Variants in ST7L observed in about 807,000 individuals in gnomAD.
ST7L encodes the protein suppressor of tumorigenicity 7 protein-like.
A neutral mutation model predicts 72.5 loss-of-function variants in ST7L; 57 were observed. The observed-to-expected ratio is 0.79, with a 90% confidence interval of 0.64 to 0.98. The LOEUF (loss-of-function observed/expected upper bound fraction) is 0.98, where lower values mean the gene tolerates loss of function less well. Ranked by LOEUF, ST7L falls within the 50% of genes least tolerant of loss-of-function variation. The pLI is 0.00. For synonymous variants in ST7L, 221 were observed against 240.9 expected, an observed-to-expected ratio of 0.92 and a Z score of 0.77; for missense variants, 576 against 672.2, an observed-to-expected ratio of 0.86 and a Z score of 1.58.
At chr1:112,576,861 C>A in intron 11 of ST7L, 125 bp downstream of exon 11, 1 of 606,148 alleles carries the variant, frequency 1.6e-6, no homozygotes. Flanking sequence ...GAATAATAAG[C>A]ATCAAAATAT....
At chr1:112,585,269 C>T (rs183300044) in intron 6 of ST7L, among the ~76,000 whole-genome samples, 40 of 152,266 alleles carry the variant, frequency 2.6e-4, no homozygotes, top group Non-Finnish European at 5.6e-4. Flanking sequence ...TTATCTAAGA[C>T]GGCACTGTCC....
At chr1:112,564,486 C>T (rs964314893) in intron 11 of ST7L, among the ~76,000 whole-genome samples, 4 of 152,078 alleles carry the variant, frequency 2.6e-5, no homozygotes, top group East Asian at 1.9e-4. Flanking sequence ...TTATATATGC[C>T]GGTGCTATGA....
At chr1:112,580,618 G>A (rs1663946380) in intron 9 of ST7L, among the ~76,000 whole-genome samples, 1 of 152,124 alleles carries the variant, frequency 6.6e-6, no homozygotes, top group Non-Finnish European at 1.5e-5. Context: ...AACTGGTATT[G>A]TTATAACATA....
Position 112,584,080 on chromosome 1 carries a change from T to C in ST7L, c.748A>G (p.Ile250Val), listed in dbSNP as rs761722695. The part of the protein sequence containing the change: ...VLLAEEEATT[I>V]VDAERLFKQA... ...TTAAATAACCTTTCAGCATCTACAATAGTTGTTGCTTCTTCCTCAGCCAGT... is the reference window on the plus strand; with the variant it reads ...TTAAATAACCTTTCAGCATCTACAACAGTTGTTGCTTCTTCCTCAGCCAGT... The change falls in exon 7 of 15, where the codon ATT becomes GTT. Residue 250 changes from isoleucine (I) to valine (V), a missense_variant. Ile to Val is a conservative substitution (Grantham distance 29, BLOSUM62 3). Coordinates refer to ENST00000358039, the MANE Select transcript of ST7L (RefSeq NM_017744.5). 1.2e-5 allele frequency: 19 copies of C among 1,614,134 alleles called. No individual in the cohort carries two copies. Among genetic ancestry groups the C allele is most frequent in the South Asian group, 1.1e-4 (10 of 91,078 alleles).
chr1:112,599,208 T>C (rs1347664761), intron 4 of ST7L, among the ~76,000 whole-genome samples: 4 of 143,948 alleles, frequency 2.8e-5, no homozygotes, highest in Non-Finnish European at 6.0e-5. Context: ...ATACAACAAA[T>C]AGCCTCAAAC....
chr1:112,613,813 G>A (rs899352797), intron 2 of ST7L, among the ~76,000 whole-genome samples: 7 of 152,084 alleles, frequency 4.6e-5, no homozygotes, highest in African/African-American at 1.2e-4. Context: ...CCACAGCCAC[G>A]ATTTCCTGGG....
At chr1:112,614,650 A>AT (rs375396616) in intron 2 of ST7L, among the ~76,000 whole-genome samples, 2 of 152,172 alleles carry the variant, frequency 1.3e-5, no homozygotes, top group African/African-American at 2.4e-5. Flanking sequence ...CCACCTAGAG[A>AT]TAAAAAAAAG....
At chr1:112,535,542 C>G (rs2101275395) in intron 14 of ST7L, among the ~76,000 whole-genome samples, 1 of 151,894 alleles carries the variant, frequency 6.6e-6, no homozygotes, top group African/African-American at 2.4e-5. Context: ...CCAGCCTGGG[C>G]AACAAAGTGA....
At chr1:112,607,938 G>T (rs1238198580) in intron 3 of ST7L, among the ~76,000 whole-genome samples, 1 of 152,174 alleles carries the variant, frequency 6.6e-6, no homozygotes, top group Admixed American at 6.5e-5. Context: ...ATATATGTCT[G>T]TGGTAGCTAA....
chr1:112,536,416 C>T lies in ST7L; in HGVS notation c.1629+5535G>A, dbSNP rs958210518. 2.6e-5 allele frequency among the ~76,000 whole-genome samples: 4 copies of T among 151,986 alleles called. No homozygotes were observed. In the South Asian group the frequency reaches 8.3e-4, roughly 32 times the overall value. On this transcript the variant is annotated intron_variant, in intron 14 of 14. Transcript: ENST00000358039. ...AGTTATAATTGTTTATTAACTCCCC[C>T]GGTTCTGAAGATCAATCTTTTCCCT...
At chr1:112,618,698 C>G (rs1004360597) in intron 1 of ST7L, 1 of 1,062,380 alleles carries the variant, frequency 9.4e-7, no homozygotes, top group African/African-American at 1.6e-5. Context: ...AGAGGGCGGA[C>G]CTTAAGAGTT....
intron 3 of ST7L, among the ~76,000 whole-genome samples, chr1:112,604,013 A>C (rs1667818824): frequency 6.6e-6 from 1 of 152,146 alleles, no homozygotes; most frequent in Admixed American, 6.6e-5. Context: ...TTTCATATAT[A>C]ATACATTAAT....
At chr1:112,586,938 GCCT>G (rs745881146) in intron 6 of ST7L, among the ~76,000 whole-genome samples, 9 of 152,088 alleles carry the variant, frequency 5.9e-5, no homozygotes, top group Non-Finnish European at 1.3e-4. Flanking sequence ...CATCTCCCTT[GCCT>G]CCTCAATCCC....
chr1:112,591,329 G>A (rs549026808), intron 6 of ST7L, among the ~76,000 whole-genome samples, 196 bp downstream of exon 6: 1 of 152,154 alleles, frequency 6.6e-6, no homozygotes, highest in African/African-American at 2.4e-5. Context: ...CTATTCAAAA[G>A]CATATATAGA....
intron 5 of ST7L, among the ~76,000 whole-genome samples, chr1:112,594,081 C>A (rs957113115): frequency 6.6e-6 from 1 of 152,032 alleles, no homozygotes; most frequent in Non-Finnish European, 1.5e-5. Context: ...ACTTCTAAAG[C>A]TTCAACTTTA....
intron 13 of ST7L, among the ~76,000 whole-genome samples, chr1:112,547,653 C>A (rs1403584006): frequency 1.4e-5 from 2 of 148,074 alleles, no homozygotes; most frequent in African/African-American, 2.5e-5. Flanking sequence ...ACCTCCGCCT[C>A]CCAGGTTCAA....
At chr1:112,536,642 C>T (rs1385136314) in intron 14 of ST7L, among the ~76,000 whole-genome samples, 1 of 151,882 alleles carries the variant, frequency 6.6e-6, no homozygotes, top group African/African-American at 2.4e-5. Flanking sequence ...AACATCTGAC[C>T]TTCTATATCT....
chr1:112,599,768 CA>C (rs1404345407), intron 4 of ST7L, among the ~76,000 whole-genome samples: 2 of 152,218 alleles, frequency 1.3e-5, no homozygotes, highest in South Asian at 2.1e-4. Flanking sequence ...TTTTATAAAC[CA>C]GGGGCCTAAT....
chr1:112,527,801 CCA>C (rs1653707554), intron 14 of ST7L: 1 of 152,320 alleles, frequency 6.6e-6, no homozygotes, highest in Non-Finnish European at 1.5e-5. Flanking sequence ...CAGCAGGCTG[CCA>C]CACACATGCT....
Sources: gnomAD v4.1 joint callset for allele counts (sites outside exome capture counted in the v4.1 genomes callset) on GRCh38, gnomAD v4.1.1 for gene constraint, MANE v1.5 for transcripts, NCBI Gene and HGNC (gene_info 2026-07-23, HGNC 2026-07-21) for gene names.